Variants in DCUN1D4 observed in about 807,000 individuals in gnomAD.
DCUN1D4 encodes DCN1-like protein 4.
In DCUN1D4, 22 loss-of-function variants were observed where a neutral mutation model predicts 47.9. The ratio of observed to expected loss-of-function variants is 0.46; its 90% CI spans 0.33 to 0.66. The LOEUF (loss-of-function observed/expected upper bound fraction) is 0.66, where lower values mean the gene tolerates loss of function less well. Ranked by LOEUF, DCUN1D4 falls within the 30% of genes least tolerant of loss-of-function variation. The pLI is 0.02. For synonymous variants in DCUN1D4, 121 were observed against 112.2 expected (o/e 1.08, Z -0.50); for missense variants, 301 against 340.8 (o/e 0.88, Z 0.92).
intron 5 of DCUN1D4, among the ~76,000 whole-genome samples, chr4:51,879,436 G>A (rs765075446): frequency 1.1e-4 from 17 of 152,098 alleles, no homozygotes; most frequent in South Asian, 2.1e-4. Flanking sequence ...GTGAAACCCC[G>A]TCTCTACTAG....
Position 51,874,563 on chromosome 4 carries a change from G to A in DCUN1D4, c.251+178G>A, listed in dbSNP as rs867693211. The stretch of plus-strand genomic sequence containing the variant: ...TTATTTTGTGTTTTAGTTTAAAAAC[G>A]TAAGAACAAATTAGGTAATTTGAAT... On this transcript the variant is annotated intron_variant, in intron 4 of 10. Transcript: ENST00000334635. Among the ~76,000 whole-genome samples, 15 of 152,282 alleles carry A rather than the reference G, an allele frequency of 9.9e-5. No homozygotes were observed. The East Asian group carries it at 1.3e-3, about 14-fold the overall frequency.
rs74332530 is a variant in DCUN1D4, at chr4:51,855,284, T to C, written c.26-8153T>C. Among the ~76,000 whole-genome samples the C allele has an allele frequency of 1.3e-3, 201 of 152,258 alleles. 4 individuals are homozygous for C. The East Asian group carries it at 0.035, about 27-fold the overall frequency. On this transcript the variant is annotated intron_variant, in intron 1 of 10. Coordinates refer to ENST00000334635, the MANE Select transcript of DCUN1D4 (RefSeq NM_001040402.3). ...ATGGGGAATGACTGCTAATAAAAAATGTTTTATTATTAGATTGTGGTGATG... is the reference window on the plus strand; with the variant it reads ...ATGGGGAATGACTGCTAATAAAAAACGTTTTATTATTAGATTGTGGTGATG...
the DCUN1D4 span, among the ~76,000 whole-genome samples, chr4:51,833,992 G>A: frequency 6.7e-6 from 1 of 150,112 alleles, no homozygotes; most frequent in Non-Finnish European, 1.5e-5. Context: ...AGCCTGGCTT[G>A]GGGAAGTATT....
At chr4:51,853,434 C>T (rs1262339056) in intron 1 of DCUN1D4, among the ~76,000 whole-genome samples, 1 of 152,150 alleles carries the variant, frequency 6.6e-6, no homozygotes, top group African/African-American at 2.4e-5. Context: ...TTGGTTTTTA[C>T]CCTGCTTTTC....
At chr4:51,847,679 C>G (rs984631271) in intron 1 of DCUN1D4, among the ~76,000 whole-genome samples, 7 of 151,294 alleles carry the variant, frequency 4.6e-5, no homozygotes, top group African/African-American at 1.7e-4. Flanking sequence ...TGGACTCGAA[C>G]TCTGGGCTTC....
Position 51,895,986 on chromosome 4 carries a change from G to A in DCUN1D4, c.507-3284G>A, listed in dbSNP as rs369153841. On this transcript the variant is annotated intron_variant, in intron 7 of 10. Transcript: ENST00000334635. ...CCTCTGAAGATGTGTACGTTGAGTGGCCACTAGATGGCAACCTGTGGTTCT... is the reference window on the plus strand; with the variant it reads ...CCTCTGAAGATGTGTACGTTGAGTGACCACTAGATGGCAACCTGTGGTTCT... Among the ~76,000 whole-genome samples, 5 of 152,136 alleles carry A rather than the reference G, an allele frequency of 3.3e-5. No individual in the cohort carries two copies. The East Asian group carries it at 9.7e-4, about 29-fold the overall frequency.
At chr4:51,859,574 C>T (rs1304205497) in intron 1 of DCUN1D4, among the ~76,000 whole-genome samples, 6 of 146,370 alleles carry the variant, frequency 4.1e-5, no homozygotes, top group Non-Finnish European at 8.9e-5. Flanking sequence ...GGACTTTGAC[C>T]CCCTCAATGG....
intron 1 of DCUN1D4, chr4:51,848,461 CA>C: frequency 5.7e-6 from 5 of 875,086 alleles, no homozygotes; most frequent in Non-Finnish European, 6.9e-6. Flanking sequence ...CTTAAGTTAA[CA>C]ATATAGTGAG....
At chr4:51,901,499 TC>T (rs1435281485) in intron 8 of DCUN1D4, among the ~76,000 whole-genome samples, 2 of 152,194 alleles carry the variant, frequency 1.3e-5, no homozygotes, top group Admixed American at 1.3e-4. Context: ...TGGCCCTGCT[TC>T]CTGGCCTCTC....
At position 51,844,270 on chromosome 4, in the gene DCUN1D4, G is replaced by T. The variant is rs542334285; in HGVS notation, c.25+1003G>T. 6.7e-3 allele frequency: 6,315 copies of T among 942,652 alleles called. 26 individuals are homozygous for T. Among genetic ancestry groups the T allele is most frequent in the Non-Finnish European group, 7.6e-3 (6,022 of 792,348 alleles). 58.4% of individuals were successfully genotyped at this position (942,652 alleles called of 1,614,324 possible). ...TACTTCCTCTCCCTGTCGAGGCAGG[G>T]TCCCTTGAAGGGGGGAGTCCAAGCT... On this transcript the variant is annotated intron_variant, in intron 1 of 10. Coordinates refer to ENST00000334635, the MANE Select transcript of DCUN1D4 (RefSeq NM_001040402.3).
chr4:51,882,844 G>A (rs1006403320), intron 5 of DCUN1D4, among the ~76,000 whole-genome samples: 2 of 152,060 alleles, frequency 1.3e-5, no homozygotes, highest in African/African-American at 4.8e-5. Flanking sequence ...AAACCAAAGA[G>A]AGAGGAATTT....
intron 1 of DCUN1D4, chr4:51,844,900 A>G: frequency 1.0e-6 from 1 of 985,026 alleles, no homozygotes; most frequent in Non-Finnish European, 1.2e-6. Flanking sequence ...CTCGTGCTTT[A>G]TTCCCCGGCC....
chr4:51,877,015 C>T (rs1030498518), intron 4 of DCUN1D4, among the ~76,000 whole-genome samples: 3 of 152,110 alleles, frequency 2.0e-5, no homozygotes, highest in Admixed American at 2.0e-4. Context: ...TATCACCTTC[C>T]TCAGCCCCTG....
chr4:51,874,282 T>C lies in DCUN1D4; in HGVS notation c.148T>C (p.Ser50Pro), dbSNP rs1367447279. Residue 50 changes from serine (S) to proline (P), a missense_variant, in exon 4 of 11, where the codon TCT becomes CCT. Physicochemically the swap from Ser to Pro is moderately conservative, Grantham distance 74. Coordinates refer to ENST00000334635, the MANE Select transcript of DCUN1D4 (RefSeq NM_001040402.3). Reference protein sequence around the residue: ...QDDHQTGSLRSCSSSDCFNKV... With the variant: ...QDDHQTGSLRPCSSSDCFNKV... Reference sequence around the variant, plus strand: ...AATTTGTTTTGTAGGAAGTCTGCGGTCTTGCAGTTCTTCAGACTGCTTTAA... The same window carrying C: ...AATTTGTTTTGTAGGAAGTCTGCGGCCTTGCAGTTCTTCAGACTGCTTTAA... 5.0e-6 allele frequency: 8 copies of C among 1,611,104 alleles called. No individual in the cohort carries two copies. The highest frequency in any genetic ancestry group is 8.5e-7 in the Non-Finnish European group (1 of 1,179,066).
chr4:51,834,103 C>CTTTTTTTTTTTTTTTTTTTTTTTTT, the DCUN1D4 span, among the ~76,000 whole-genome samples: 36 of 42,574 alleles, frequency 8.5e-4, 4 homozygotes, highest in East Asian at 3.4e-3. Context: ...TTTCTTCTTT[C>CTTTTTTTTTTTTTTTTTTTTTTTTT]TTTTTTTTTT....
intron 1 of DCUN1D4, among the ~76,000 whole-genome samples, chr4:51,856,717 C>T (rs1724196969): frequency 6.6e-6 from 1 of 152,200 alleles, no homozygotes; most frequent in South Asian, 2.1e-4. Context: ...GAACATGAAC[C>T]ATTGAGTGCC....
intron 1 of DCUN1D4, among the ~76,000 whole-genome samples, chr4:51,856,531 G>A (rs1229655407): frequency 1.3e-5 from 2 of 152,144 alleles, no homozygotes; most frequent in Non-Finnish European, 2.9e-5. Flanking sequence ...AAACGTTGCT[G>A]CTTTTTTCCT....
chr4:51,883,451 A>T (rs563049305), intron 5 of DCUN1D4, among the ~76,000 whole-genome samples: 1 of 152,192 alleles, frequency 6.6e-6, no homozygotes, highest in Non-Finnish European at 1.5e-5. Flanking sequence ...ATGTGGATAT[A>T]TGCACTCTCA....
At chr4:51,836,000 C>T in the DCUN1D4 span, among the ~76,000 whole-genome samples, 1 of 152,182 alleles carries the variant, frequency 6.6e-6, no homozygotes, top group Non-Finnish European at 1.5e-5. Flanking sequence ...AAACTGTTCA[C>T]TTAACCCACC....
Sources: gnomAD v4.1 joint callset for allele counts (sites outside exome capture counted in the v4.1 genomes callset) on GRCh38, gnomAD v4.1.1 for gene constraint, MANE v1.5 for transcripts, NCBI Gene and HGNC (gene_info 2026-07-23, HGNC 2026-07-21) for gene names.